PHLDB2: variants seen among roughly 807,000 people sequenced by gnomAD.
PHLDB2 encodes pleckstrin homology like domain family B member 2.
Under a neutral mutation model 123.6 loss-of-function variants are expected in PHLDB2, and 71 were observed. That is an observed-to-expected ratio of 0.57 (90% confidence interval 0.47 to 0.70). The LOEUF is 0.70. Ranked by LOEUF, PHLDB2 falls within the 30% of genes least tolerant of loss-of-function variation. The pLI is 0.00. For missense variants in PHLDB2, 1,446 were observed against 1,519.5 expected (o/e 0.95, Z 0.80); for synonymous variants, 547 against 541.6 (o/e 1.01, Z -0.14).
At chr3:111,956,510 G>T (rs1043708262) in intron 12 of PHLDB2, among the ~76,000 whole-genome samples, 2 of 152,110 alleles carry the variant, frequency 1.3e-5, no homozygotes, top group African/African-American at 4.8e-5. Flanking sequence ...TTATTGATAC[G>T]TCCTTTATGC....
chr3:111,928,886 G>A (rs2068953685), intron 5 of PHLDB2, among the ~76,000 whole-genome samples: 1 of 152,154 alleles, frequency 6.6e-6, no homozygotes, highest in African/African-American at 2.4e-5. Context: ...ATGCCCTCTT[G>A]TACATCTGGA....
intron 1 of PHLDB2, among the ~76,000 whole-genome samples, chr3:111,752,228 G>GTGTGTGTGTA (rs2059790482): frequency 7.0e-6 from 1 of 142,876 alleles, no homozygotes; most frequent in Non-Finnish European, 1.5e-5. Context: ...AAGTGTGTGT[G>GTGTGTGTGTA]TGTGTGTGTG....
Position 111,920,737 on chromosome 3 carries a change from G to T in PHLDB2, c.2001+318G>T, listed in dbSNP as rs577308546. Among the ~76,000 whole-genome samples, 3 of 152,274 alleles carry T rather than the reference G, an allele frequency of 2.0e-5. No homozygotes were observed. In the South Asian group the frequency reaches 6.2e-4, roughly 32 times the overall value. ...CTTTCTGCTTTTCTGATTCCATTGT[G>T]TTTTTTAAGTAATTTCTTTAGTATA... On this transcript the variant is annotated intron_variant, in intron 5 of 17. Coordinates refer to ENST00000431670, the MANE Select transcript of PHLDB2 (RefSeq NM_001134438.2).
At chr3:111,943,888 A>C (rs142678542) in intron 8 of PHLDB2, among the ~76,000 whole-genome samples, 39 of 152,340 alleles carry the variant, frequency 2.6e-4, no homozygotes, top group African/African-American at 8.4e-4. Context: ...CACAATATAA[A>C]TGAAAACATG....
rs1053865377 is a variant in PHLDB2 at position 111,940,473 on chromosome 3, C to G, written c.2287-62C>G. The G allele has an allele frequency of 3.9e-5, 37 of 943,982 alleles. No individual in the cohort carries two copies. In the East Asian group the frequency reaches 1.0e-3, roughly 26 times the overall value. The allele number at this position is 943,982 out of a possible 1,614,324, so 58.5% of individuals were successfully genotyped here. A position where few individuals can be genotyped will look rare whatever the true frequency, so the allele number is the denominator to read the frequency against. ...AAATTTTTTTCTCCCTTTTCTAGGA[C>G]AGACTAGCAAACCTTTGAGTGTCTA... On this transcript the variant is annotated intron_variant, in intron 7 of 17. Transcript: ENST00000431670.
chr3:111,886,285 T>G (rs776286252), intron 2 of PHLDB2, among the ~76,000 whole-genome samples: 58 of 152,228 alleles, frequency 3.8e-4, no homozygotes, highest in Middle Eastern at 3.2e-3. Context: ...TTCTAGAATA[T>G]GATTTTTGAA....
At chr3:111,968,435 T>C (rs934949848) in intron 15 of PHLDB2, among the ~76,000 whole-genome samples, 1 of 152,238 alleles carries the variant, frequency 6.6e-6, no homozygotes, top group African/African-American at 2.4e-5. Context: ...TTTTATTTAA[T>C]GTCTTATCTT....
intron 1 of PHLDB2, among the ~76,000 whole-genome samples, chr3:111,838,571 C>A (rs73855646): frequency 1.2e-3 from 183 of 152,208 alleles, no homozygotes; most frequent in African/African-American, 4.4e-3. Context: ...AATTTGATTA[C>A]CATAAAAATA....
intron 1 of PHLDB2, among the ~76,000 whole-genome samples, chr3:111,862,298 A>G (rs1368808370): frequency 6.6e-6 from 1 of 152,124 alleles, no homozygotes; most frequent in African/African-American, 2.4e-5. Context: ...TTATGAATCT[A>G]TCTGTAAAGT....
intron 2 of PHLDB2, among the ~76,000 whole-genome samples, chr3:111,851,956 CT>C (rs138253324): frequency 1.1e-4 from 17 of 149,060 alleles, no homozygotes; most frequent in African/African-American, 3.9e-4. Flanking sequence ...GCCCCTCAAC[CT>C]TTTTTTTTTC....
chr3:111,897,157 T>C (rs1046882178), intron 2 of PHLDB2, among the ~76,000 whole-genome samples: 2 of 152,238 alleles, frequency 1.3e-5, no homozygotes, highest in Non-Finnish European at 2.9e-5. Flanking sequence ...AATTTTATCA[T>C]TTCACAATAT....
Position 111,923,409 on chromosome 3 carries a change from C to T in PHLDB2, c.2001+2990C>T, listed in dbSNP as rs116736489. On this transcript the variant is annotated intron_variant, in intron 5 of 17. Coordinates refer to ENST00000431670, the MANE Select transcript of PHLDB2 (RefSeq NM_001134438.2). ...CTTACCTCTTTCTCACTCTTTATCT[C>T]TCATCTGAACTCAGTTCTCTTGTAC... 4.6e-3 allele frequency among the ~76,000 whole-genome samples: 699 copies of T among 152,286 alleles called. 12 individuals are homozygous for T. The highest frequency in any genetic ancestry group is 0.016 in the African/African-American group (649 of 41,564).
chr3:111,839,940 CTTTT>C (rs3082317), intron 1 of PHLDB2, among the ~76,000 whole-genome samples: 1,066 of 64,820 alleles, frequency 0.016, 6 homozygotes, highest in African/African-American at 0.059. Context: ...CCCACCCCCG[CTTTT>C]TTTTTTTTTT....
intron 1 of PHLDB2, among the ~76,000 whole-genome samples, chr3:111,760,596 G>C (rs1559817209): frequency 6.6e-6 from 1 of 152,122 alleles, no homozygotes; most frequent in Non-Finnish European, 1.5e-5. Context: ...TGGACTGCGG[G>C]ACTCATCTTA....
At chr3:111,836,594 G>A (rs2063411074) in intron 1 of PHLDB2, among the ~76,000 whole-genome samples, 2 of 152,120 alleles carry the variant, frequency 1.3e-5, no homozygotes, top group African/African-American at 2.4e-5. Context: ...TCTCGTATTA[G>A]TCCATTTTCA....
chr3:111,966,755 C>G (rs1245601797), intron 14 of PHLDB2, 52 bp downstream of exon 14: 1 of 1,463,472 alleles, frequency 6.8e-7, no homozygotes, highest in East Asian at 2.3e-5. Flanking sequence ...GTGCAGGAGC[C>G]CTGCGCTTGG....
intron 1 of PHLDB2, among the ~76,000 whole-genome samples, chr3:111,824,703 T>C (rs1194836690): frequency 6.6e-6 from 1 of 152,232 alleles, no homozygotes; most frequent in Non-Finnish European, 1.5e-5. Flanking sequence ...TCCATGAACC[T>C]GAAGCCCAGT....
chr3:111,776,040 A>T (rs542041598), intron 1 of PHLDB2, among the ~76,000 whole-genome samples: 3 of 152,316 alleles, frequency 2.0e-5, no homozygotes, highest in South Asian at 4.1e-4. Flanking sequence ...ATTCTTAAGC[A>T]TAGTGGGACA....
chr3:111,886,197 TAAC>T (rs2066152289), intron 2 of PHLDB2, among the ~76,000 whole-genome samples: 1 of 152,246 alleles, frequency 6.6e-6, no homozygotes, highest in Non-Finnish European at 1.5e-5. Context: ...ATGATTTCCT[TAAC>T]AAGAGAAGCT....
Sources: allele counts gnomAD v4.1 joint callset (sites outside exome capture counted in the v4.1 genomes callset), GRCh38; gene constraint gnomAD v4.1.1; transcripts MANE v1.5; gene names NCBI Gene and HGNC (gene_info 2026-07-23, HGNC 2026-07-21).